Variants in PRKCQ observed in about 807,000 individuals in gnomAD.
PRKCQ encodes protein kinase C theta type.
In PRKCQ, 41 loss-of-function variants were observed where a neutral mutation model predicts 91.2. The observed-to-expected ratio is 0.45, with a 90% confidence interval of 0.35 to 0.58. PRKCQ has a LOEUF of 0.58. Among genes scored for constraint, PRKCQ ranks in the 20% least tolerant of loss-of-function variants. The probability of loss-of-function intolerance (pLI) is 0.00; values close to 1 mark genes in which losing one functional copy is unlikely to be tolerated. For missense variants in PRKCQ, 673 were observed against 896.5 expected, an observed-to-expected ratio of 0.75 and a Z score of 3.18; for synonymous variants, 307 against 316.9, an observed-to-expected ratio of 0.97 and a Z score of 0.33.
the PRKCQ span, among the ~76,000 whole-genome samples, chr10:6,399,294 T>C: frequency 6.6e-6 from 1 of 152,228 alleles, no homozygotes; most frequent in African/African-American, 2.4e-5. Context: ...AAGCTAGTGG[T>C]TGGAATATTT....
At chr10:6,452,943 A>C (rs1246457282) in intron 15 of PRKCQ, among the ~76,000 whole-genome samples, 101 of 147,770 alleles carry the variant, frequency 6.8e-4, no homozygotes, top group Non-Finnish European at 1.3e-3. Context: ...TAAAGACTTA[A>C]ATGTTAGACC....
chr10:6,445,121 C>CTCGAA (rs779476076), intron 15 of PRKCQ, among the ~76,000 whole-genome samples: 1 of 105,412 alleles, frequency 9.5e-6, no homozygotes, highest in Non-Finnish European at 1.8e-5. Context: ...AAGACTCTGT[C>CTCGAA]AAAAAAAAAA....
At chr10:6,550,668 C>A (rs1353820906) in intron 1 of PRKCQ, among the ~76,000 whole-genome samples, 7 of 152,212 alleles carry the variant, frequency 4.6e-5, no homozygotes, top group Admixed American at 2.6e-4. Context: ...AATCCTGCTG[C>A]TAATCGATGT....
chr10:6,503,260 A>G (rs1838015601), intron 4 of PRKCQ, among the ~76,000 whole-genome samples: 1 of 152,228 alleles, frequency 6.6e-6, no homozygotes. Flanking sequence ...GGGGAGGAAG[A>G]TGAGCTCTGA....
intron 1 of PRKCQ, among the ~76,000 whole-genome samples, chr10:6,565,543 C>T (rs977171816): frequency 5.3e-5 from 8 of 152,132 alleles, no homozygotes; most frequent in African/African-American, 1.4e-4. Context: ...TAGCAATGTT[C>T]GCCTTTTTTT....
At chr10:6,561,092 T>C in intron 1 of PRKCQ, among the ~76,000 whole-genome samples, 1 of 151,936 alleles carries the variant, frequency 6.6e-6, no homozygotes, top group East Asian at 1.9e-4. Flanking sequence ...AATTCTTCCT[T>C]GAGGCTGGGT....
chr10:6,558,544 C>A (rs895898804), intron 1 of PRKCQ, among the ~76,000 whole-genome samples: 1 of 152,150 alleles, frequency 6.6e-6, no homozygotes, highest in Non-Finnish European at 1.5e-5. Context: ...ATAACTTAAG[C>A]TGATGGTTTA....
intron 1 of PRKCQ, among the ~76,000 whole-genome samples, chr10:6,525,266 G>C (rs981916056): frequency 6.6e-6 from 1 of 150,818 alleles, no homozygotes; most frequent in Non-Finnish European, 1.5e-5. Context: ...TGCAGTTTTT[G>C]CCATTAAAAG....
At chr10:6,534,772 A>C (rs1261203192) in intron 1 of PRKCQ, among the ~76,000 whole-genome samples, 1 of 49,962 alleles carries the variant, frequency 2.0e-5, no homozygotes, top group Non-Finnish European at 5.4e-5. Context: ...AGAAACATAT[A>C]TCTATATATA....
At chr10:6,424,139 C>T (rs1833065483), downstream of PRKCQ, among the ~76,000 whole-genome samples, 1 of 152,110 alleles carries the variant, frequency 6.6e-6, no homozygotes. Context: ...AAACCAACAC[C>T]TTTATTATTT....
chr10:6,450,518 T>A (rs1305209037), intron 15 of PRKCQ, among the ~76,000 whole-genome samples: 1 of 152,196 alleles, frequency 6.6e-6, no homozygotes, highest in African/African-American at 2.4e-5. Flanking sequence ...ATTAGACAGA[T>A]CAATGAGACA....
Position 6,580,274 on chromosome 10 carries a change from A to T in PRKCQ, c.-73T>A, listed in dbSNP as rs1564405515. On this transcript the variant is annotated 5_prime_UTR_variant, in exon 1 of 18. Transcript: ENST00000263125. ...GGGACTGCGCGGGGACTGCGCGGGG[A>T]CTGCGCGGGGACTGGCGGGGCTGGC... 1 of 134,320 alleles carries T rather than the reference A, an allele frequency of 7.4e-6. No homozygotes were observed. The highest frequency in any genetic ancestry group is 2.8e-5 in the African/African-American group (1 of 35,796). The allele number at this position is 134,320 out of a possible 1,614,324, so 8.3% of individuals were successfully genotyped here.
At chr10:6,399,506 T>A in the PRKCQ span, among the ~76,000 whole-genome samples, 1 of 152,008 alleles carries the variant, frequency 6.6e-6, no homozygotes, top group Admixed American at 6.5e-5. Flanking sequence ...CTTTTTATTT[T>A]TTTTTGGCAC....
rs1239499441 is a variant in PRKCQ, at chr10:6,497,329, A to G, written c.543-78T>C. The G allele has an allele frequency of 3.9e-6, 6 of 1,520,780 alleles. No individual in the cohort carries two copies. In the East Asian group the frequency reaches 9.0e-5, roughly 23 times the overall value. 94.2% of individuals were successfully genotyped at this position (1,520,780 alleles called of 1,614,324 possible). A position where few individuals can be genotyped will look rare whatever the true frequency, so the allele number is the denominator to read the frequency against. On this transcript the variant is annotated intron_variant, in intron 5 of 17. Transcript: ENST00000263125. The surrounding 1 kb of genome is among the most constrained non-coding windows in gnomAD (Gnocchi z 4.5). ...CAACAGCATTTAAGAGATGGATGAGATCTCATAACCCCCTAAGATCACAGA... is the reference window on the plus strand; with the variant it reads ...CAACAGCATTTAAGAGATGGATGAGGTCTCATAACCCCCTAAGATCACAGA...
Position 6,427,957 on chromosome 10 carries a change from A to G in PRKCQ, c.*250T>C, listed in dbSNP as rs559209762. ...AGACCCATCTTTCAAGTAAATAACT[A>G]TGGTTAGTAATGACCTAACTTCAGG... On this transcript the variant is annotated 3_prime_UTR_variant, in exon 18 of 18. Coordinates refer to ENST00000263125, the MANE Select transcript of PRKCQ (RefSeq NM_006257.5). The G allele has an allele frequency of 2.3e-5, 11 of 479,340 alleles. No homozygotes were observed. The highest frequency in any genetic ancestry group is 1.8e-4 in the African/African-American group (9 of 50,740). The allele number at this position is 479,340 out of a possible 1,614,324, so 29.7% of individuals were successfully genotyped here. A position where few individuals can be genotyped will look rare whatever the true frequency, so the allele number is the denominator to read the frequency against.
At chr10:6,494,638 A>G (rs963828519) in intron 7 of PRKCQ, among the ~76,000 whole-genome samples, 1 of 152,154 alleles carries the variant, frequency 6.6e-6, no homozygotes, top group Non-Finnish European at 1.5e-5. Flanking sequence ...CTCTGGGTGT[A>G]GGAGGAGCGG....
intron 2 of PRKCQ, among the ~76,000 whole-genome samples, chr10:6,514,626 T>C (rs767063780): frequency 6.6e-6 from 1 of 152,256 alleles, no homozygotes; most frequent in African/African-American, 2.4e-5. Flanking sequence ...TTAGAGTTGG[T>C]TGGAAGATTA....
At chr10:6,417,252 T>A in the PRKCQ span, among the ~76,000 whole-genome samples, 1 of 152,202 alleles carries the variant, frequency 6.6e-6, no homozygotes, top group Non-Finnish European at 1.5e-5. Context: ...TGTCATCAGT[T>A]GTTATTTTGA....
rs1330894050 is a variant in PRKCQ at position 6,541,063 on chromosome 10, G to C, written c.-9-25919C>G. ...TCCAGATACTATTTGATAAGCAGAAGGTAAAAGTTCTAGATGCACTGAAGG... is the reference window on the plus strand; with the variant it reads ...TCCAGATACTATTTGATAAGCAGAACGTAAAAGTTCTAGATGCACTGAAGG... On this transcript the variant is annotated intron_variant, in intron 1 of 17. Coordinates refer to ENST00000263125, the MANE Select transcript of PRKCQ (RefSeq NM_006257.5). Among the ~76,000 whole-genome samples the C allele has an allele frequency of 2.0e-5, 3 of 152,174 alleles. 1 individual carries two copies. Among genetic ancestry groups the C allele is most frequent in the African/African-American group, 4.8e-5 (2 of 41,432 alleles).
Sources: gnomAD v4.1 joint callset for allele counts (sites outside exome capture counted in the v4.1 genomes callset) on GRCh38, gnomAD v4.1.1 for gene constraint, Gnocchi (gnomAD v3.1) non-coding constraint, MANE v1.5 for transcripts, NCBI Gene and HGNC (gene_info 2026-07-23, HGNC 2026-07-21) for gene names.